Variants in AJAP1 observed in about 807,000 individuals in gnomAD.
AJAP1 encodes the protein adherens junction-associated protein 1.
In AJAP1, 5 loss-of-function variants were observed where a neutral mutation model predicts 35.0. The observed-to-expected ratio is 0.14, with a 90% CI of 0.07 to 0.30. The LOEUF (loss-of-function observed/expected upper bound fraction) is 0.30. Among genes scored for constraint, AJAP1 ranks in the 10% least tolerant of loss-of-function variants. The pLI is 1.00. For missense variants in AJAP1, 586 were observed against 571.0 expected (o/e 1.03, Z -0.27); for synonymous variants, 284 against 249.3 (o/e 1.14, Z -1.31).
rs116779379 is a variant in AJAP1, at chr1:4,759,536, A to G, written c.830-10317A>G. 3.0e-3 allele frequency among the ~76,000 whole-genome samples: 461 copies of G among 152,250 alleles called. 1 individual carries two copies. The highest frequency in any genetic ancestry group is 0.011 in the African/African-American group (442 of 41,550). On this transcript the variant is annotated intron_variant, in intron 2 of 5. Transcript: ENST00000378191. ...CCAGGGAGCTGGCTCAAGCCTCTGC[A>G]TAGACTCTGCAGTGACCATAACCAG...
intron 2 of AJAP1, among the ~76,000 whole-genome samples, chr1:4,752,596 A>C (rs1411747829): frequency 2.0e-5 from 3 of 152,184 alleles, no homozygotes; most frequent in Admixed American, 2.0e-4. Context: ...CACAGCTTCC[A>C]GCATGCAGCT....
At chr1:4,761,673 A>G (rs1485760128) in intron 2 of AJAP1, among the ~76,000 whole-genome samples, 1 of 152,216 alleles carries the variant, frequency 6.6e-6, no homozygotes, top group East Asian at 1.9e-4. Flanking sequence ...GAGGTCCCAC[A>G]ATTCCCACAA....
intron 2 of AJAP1, among the ~76,000 whole-genome samples, chr1:4,729,021 T>C (rs957669472): frequency 6.6e-6 from 1 of 152,138 alleles, no homozygotes; most frequent in African/African-American, 2.4e-5. Context: ...CCCACTGCCC[T>C]CCTGCTCACT....
intron 2 of AJAP1, among the ~76,000 whole-genome samples, chr1:4,719,596 G>C (rs72857995): frequency 0.14 from 21,176 of 152,078 alleles, 2,733 homozygotes; most frequent in African/African-American, 0.33. Context: ...GCTCCTGCAG[G>C]CCTGGATTGT....
chr1:4,717,893 A>G (rs1163381346), intron 2 of AJAP1, among the ~76,000 whole-genome samples: 2 of 152,232 alleles, frequency 1.3e-5, no homozygotes, highest in African/African-American at 4.8e-5. Context: ...ATTTTAATTA[A>G]GTTGCTGGGT....
chr1:4,688,111 G>A (rs986375558), intron 1 of AJAP1, among the ~76,000 whole-genome samples: 3 of 152,226 alleles, frequency 2.0e-5, no homozygotes, highest in Admixed American at 6.5e-5. Flanking sequence ...GGGGGCAGCT[G>A]AGGCTGGGCT....
chr1:4,761,620 A>C (rs1641568295), intron 2 of AJAP1, among the ~76,000 whole-genome samples: 2 of 152,206 alleles, frequency 1.3e-5, no homozygotes, highest in African/African-American at 4.8e-5. Flanking sequence ...TGTATATATA[A>C]GGGGAGTTTA....
chr1:4,740,590 C>T (rs1290462608), intron 2 of AJAP1, among the ~76,000 whole-genome samples: 2 of 151,596 alleles, frequency 1.3e-5, no homozygotes, highest in Non-Finnish European at 2.9e-5. Flanking sequence ...TCGAGACCAT[C>T]CTGGCTAACA....
At chr1:4,691,683 A>AG (rs1491285162) in intron 1 of AJAP1, among the ~76,000 whole-genome samples, 4 of 152,086 alleles carry the variant, frequency 2.6e-5, no homozygotes, top group African/African-American at 7.2e-5. Flanking sequence ...TCCAGGAGTC[A>AG]GGGGGGCTTA....
chr1:4,742,384 T>G (rs1641090115), intron 2 of AJAP1, among the ~76,000 whole-genome samples: 1 of 152,180 alleles, frequency 6.6e-6, no homozygotes, highest in South Asian at 2.1e-4. Context: ...TTGAGGGACA[T>G]TCTACAAAAT....
rs151286230 is a variant in AJAP1, at chr1:4,755,736, C to T, written c.830-14117C>T. Among the ~76,000 whole-genome samples the T allele has an allele frequency of 1.6e-4, 25 of 152,156 alleles. No homozygotes were observed. The East Asian group carries it at 4.5e-3, about 27-fold the overall frequency. The stretch of plus-strand genomic sequence containing the variant: ...GTACAGGGACCACACAGTGGGATTT[C>T]GCAATGGGGGAGAGAGATTGGGCTC... On this transcript the variant is annotated intron_variant, in intron 2 of 5. Transcript: ENST00000378191.
chr1:4,774,505 C>T lies in AJAP1; in HGVS notation c.*6C>T, dbSNP rs117864953. On this transcript the variant is annotated 3_prime_UTR_variant, in exon 5 of 6. Transcript: ENST00000378191. ...GGTTTGAAATCTCCTGCTGACTGGC[C>T]GAAGTCTTTTTTACCTCCTGGGGGC... is the stretch of plus-strand genomic sequence containing the variant. The T allele has an allele frequency of 2.2e-3, 3,551 of 1,613,856 alleles. 78 individuals carry two copies. In the East Asian group the frequency reaches 0.042, roughly 19 times the overall value.
chr1:4,671,946 A>G (rs1030458719), intron 1 of AJAP1, among the ~76,000 whole-genome samples: 6 of 152,170 alleles, frequency 3.9e-5, no homozygotes, highest in Admixed American at 3.9e-4. Context: ...CAAAAAGGAA[A>G]GCTGTGAGGC....
At position 4,784,989 on chromosome 1, in the gene AJAP1, A is replaced by G. The variant is rs1570240327; in HGVS notation, c.*2504A>G. The G allele has an allele frequency of 6.6e-6, 1 of 152,500 alleles. No homozygotes were observed. The highest frequency in any genetic ancestry group is 2.1e-4 in the South Asian group (1 of 4,832). 9.4% of individuals were successfully genotyped at this position (152,500 alleles called of 1,614,324 possible). On this transcript the variant is annotated 3_prime_UTR_variant, in exon 6 of 6. Coordinates refer to ENST00000378191, the MANE Select transcript of AJAP1 (RefSeq NM_018836.4). Reference sequence around the variant, plus strand: ...TGGGGTGGCTGCTCTGGTCTCTGACATTCTGAGCTCCAGAGTGAGCCCAAC... The same window carrying G: ...TGGGGTGGCTGCTCTGGTCTCTGACGTTCTGAGCTCCAGAGTGAGCCCAAC...
intron 2 of AJAP1, among the ~76,000 whole-genome samples, chr1:4,741,246 A>G (rs545794562): frequency 2.6e-5 from 4 of 152,316 alleles, no homozygotes; most frequent in East Asian, 1.9e-4. Context: ...GAAGGACCAC[A>G]GACCAGGTGA....
In AJAP1 at chr1:4,712,583, A is replaced by C. The variant is rs1362983260; in HGVS notation, c.713A>C (p.Glu238Ala). 3 of 1,608,148 alleles carry C rather than the reference A, an allele frequency of 1.9e-6. No individual in the cohort carries two copies. In the African/African-American group the frequency reaches 4.0e-5, roughly 21 times the overall value. The change falls in exon 2 of 6, where the codon GAG becomes GCG. Residue 238 changes from glutamate (E) to alanine (A), a missense_variant. Transcript: ENST00000378191. ...PMTLQTKGFT[E>A]SLDPRRRIPG... The stretch of plus-strand genomic sequence containing the variant: ...ACGCTGCAGACTAAGGGGTTCACCG[A>C]GTCCTTGGATCCCCGGAGAAGGATC...
At chr1:4,689,192 C>G (rs1035614373) in intron 1 of AJAP1, among the ~76,000 whole-genome samples, 1 of 152,138 alleles carries the variant, frequency 6.6e-6, no homozygotes, top group African/African-American at 2.4e-5. Context: ...AACACACCGA[C>G]GTCCTCGCCC....
chr1:4,740,734 C>T (rs1408155954), intron 2 of AJAP1, among the ~76,000 whole-genome samples: 4 of 131,892 alleles, frequency 3.0e-5, no homozygotes, highest in Admixed American at 1.8e-4. Context: ...TACAGTGAGC[C>T]GAGATCGCAC....
chr1:4,723,468 G>T lies in AJAP1; in HGVS notation c.829+10769G>T, dbSNP rs116548904. Among the ~76,000 whole-genome samples the T allele has an allele frequency of 6.6e-6, 1 of 152,082 alleles. No individual in the cohort carries two copies. The highest frequency in any genetic ancestry group is 1.5e-5 in the Non-Finnish European group (1 of 68,010). On this transcript the variant is annotated intron_variant, in intron 2 of 5. Transcript: ENST00000378191. This position sits in a 1 kb window ranked among gnomAD's most constrained non-coding sequence, Gnocchi z 4.3. ...AGGGGAGAATGAAGGGGCAATTGGG[G>T]GTGATAAGGAAGAGCCCACCGGGAG...
Sources: allele counts gnomAD v4.1 joint callset (sites outside exome capture counted in the v4.1 genomes callset), GRCh38; gene constraint gnomAD v4.1.1; non-coding constraint Gnocchi (gnomAD v3.1); transcripts MANE v1.5; gene names NCBI Gene and HGNC (gene_info 2026-07-23, HGNC 2026-07-21).